Variants in CEP128 observed in about 807,000 individuals in gnomAD.
CEP128 encodes the protein centrosomal protein 128kDa.
A neutral mutation model predicts 156.7 loss-of-function variants in CEP128; 132 were observed. The observed-to-expected ratio is 0.84, with a 90% CI of 0.73 to 0.97. The LOEUF (loss-of-function observed/expected upper bound fraction) is 0.97, where lower values mean the gene tolerates loss of function less well. Ranked by LOEUF, CEP128 falls within the 50% of genes least tolerant of loss-of-function variation. The pLI is 0.00. For synonymous variants in CEP128, 469 were observed against 448.9 expected (o/e 1.04, Z -0.57); for missense variants, 1,252 against 1,281.9 (o/e 0.98, Z 0.36).
chr14:80,756,046 C>G (rs1485539322), intron 18 of CEP128, among the ~76,000 whole-genome samples: 1 of 152,126 alleles, frequency 6.6e-6, no homozygotes, highest in Non-Finnish European at 1.5e-5. Flanking sequence ...AAGATTTTAA[C>G]TTGAAAGAAA....
intron 9 of CEP128, among the ~76,000 whole-genome samples, chr14:80,843,585 CTATAT>C (rs1212150949): frequency 6.6e-6 from 1 of 151,910 alleles, no homozygotes; most frequent in Non-Finnish European, 1.5e-5. Flanking sequence ...GTTGTTCTTA[CTATAT>C]TTTGTAATTA....
intron 19 of CEP128, among the ~76,000 whole-genome samples, chr14:80,663,837 C>T (rs1360909366): frequency 6.6e-6 from 1 of 152,170 alleles, no homozygotes; most frequent in Non-Finnish European, 1.5e-5. Context: ...GTTCTTGTCC[C>T]ACAATACAGC....
intron 19 of CEP128, among the ~76,000 whole-genome samples, chr14:80,652,582 G>T (rs1428266059): frequency 6.6e-6 from 1 of 151,986 alleles, no homozygotes. Context: ...CAACAAACAT[G>T]AAAAAAAGCT....
intron 7 of CEP128, among the ~76,000 whole-genome samples, chr14:80,897,925 G>A (rs892314636): frequency 6.6e-6 from 1 of 152,100 alleles, no homozygotes; most frequent in African/African-American, 2.4e-5. Flanking sequence ...CCACAGGCAT[G>A]TGCCACCACT....
intron 4 of CEP128, among the ~76,000 whole-genome samples, chr14:80,912,136 AAAC>A (rs34258944): frequency 0.049 from 7,408 of 151,832 alleles, 615 homozygotes; most frequent in African/African-American, 0.17. Flanking sequence ...AGAATCGCTT[AAAC>A]CTGGGAGGCG....
chr14:80,929,502 A>G (rs148846601), intron 2 of CEP128, among the ~76,000 whole-genome samples: 184 of 152,358 alleles, frequency 1.2e-3, no homozygotes, highest in African/African-American at 4.2e-3. Context: ...CATAAGGAAA[A>G]TGTGGTATAT....
intron 19 of CEP128, among the ~76,000 whole-genome samples, chr14:80,697,536 T>G (rs993957998): frequency 2.6e-5 from 4 of 152,114 alleles, no homozygotes; most frequent in African/African-American, 9.6e-5. Context: ...CAATTGATTT[T>G]ATTCTTAAAA....
chr14:80,545,090 T>A (rs1021874362), intron 21 of CEP128, among the ~76,000 whole-genome samples: 1 of 152,232 alleles, frequency 6.6e-6, no homozygotes, highest in Admixed American at 6.5e-5. Context: ...ATCCTCTTCA[T>A]CCTCTTAGTC....
Position 80,521,302 on chromosome 14 carries a change from CTT to C in CEP128, c.3072+5565_3072+5566del, listed in dbSNP as rs1351264678. ...TTCTATAGCTAAATTTCTTCACAAT[CTT>C]TCTTTTCTTAATATTCTTATTGAGT... On this transcript the variant is annotated intron_variant, in intron 23 of 24. Coordinates refer to ENST00000555265, the MANE Select transcript of CEP128 (RefSeq NM_152446.5). Among the ~76,000 whole-genome samples, 10 of 152,154 alleles carry C rather than the reference CTT, an allele frequency of 6.6e-5. No individual in the cohort carries two copies. In the East Asian group the frequency reaches 1.9e-3, roughly 29 times the overall value.
intron 19 of CEP128, among the ~76,000 whole-genome samples, chr14:80,699,732 G>T (rs917351901): frequency 1.3e-5 from 2 of 152,140 alleles, no homozygotes; most frequent in Non-Finnish European, 2.9e-5. Context: ...CAACTTCCCA[G>T]ATTGCTATCT....
intron 8 of CEP128, among the ~76,000 whole-genome samples, chr14:80,871,636 G>T (rs939343304): frequency 6.6e-6 from 1 of 151,942 alleles, no homozygotes; most frequent in Non-Finnish European, 1.5e-5. Context: ...TTATTTTAAA[G>T]AAAGTATATT....
At chr14:80,753,831 T>C (rs1899508385) in intron 18 of CEP128, among the ~76,000 whole-genome samples, 1 of 152,204 alleles carries the variant, frequency 6.6e-6, no homozygotes, top group East Asian at 1.9e-4. Flanking sequence ...GGCTAGAAAA[T>C]CCTGGAAATC....
rs1757702898 is a variant in CEP128 at position 80,831,012 on chromosome 14, T to C, written c.1209+131A>G. 2.6e-5 allele frequency: 20 copies of C among 781,072 alleles called. No individual in the cohort carries two copies. In the South Asian group the frequency reaches 2.7e-4, roughly 10 times the overall value. The allele number at this position is 781,072 out of a possible 1,614,324, so 48.4% of individuals were successfully genotyped here. A position where few individuals can be genotyped will look rare whatever the true frequency, so the allele number is the denominator to read the frequency against. ...TACATATAAGTAAATCAGTCATTAATATAACTTTATATTATCAATGCTCAC... is the reference window on the plus strand; with the variant it reads ...TACATATAAGTAAATCAGTCATTAACATAACTTTATATTATCAATGCTCAC... On this transcript the variant is annotated intron_variant, in intron 13 of 24. Transcript: ENST00000555265.
intron 23 of CEP128, chr14:80,514,646 G>A (rs1435539635): frequency 2.6e-6 from 1 of 391,832 alleles, no homozygotes; most frequent in East Asian, 7.9e-5. Context: ...CTTGAATTTT[G>A]TGGTGCTATT....
chr14:80,767,631 C>A (rs936845284), intron 16 of CEP128, among the ~76,000 whole-genome samples: 1 of 152,062 alleles, frequency 6.6e-6, no homozygotes, highest in African/African-American at 2.4e-5. Context: ...TCCTTCCTCA[C>A]CCACATGGTT....
At chr14:80,574,387 C>G (rs552513448) in intron 20 of CEP128, among the ~76,000 whole-genome samples, 1 of 152,194 alleles carries the variant, frequency 6.6e-6, no homozygotes, top group African/African-American at 2.4e-5. Flanking sequence ...TGCTACAGTT[C>G]GGCAGAAAAG....
At position 80,955,851 on chromosome 14, in the gene CEP128, G is replaced by C; in HGVS notation, c.-172+2327C>G. The C allele has an allele frequency of 6.2e-7, 1 of 1,614,182 alleles. No individual in the cohort carries two copies. Among genetic ancestry groups the C allele is most frequent in the Non-Finnish European group, 8.5e-7 (1 of 1,180,028 alleles). Reference sequence around the variant, plus strand: ...GCTTACCGCCCAGTACGCAGACTCTGTGAGTACCCGGGAGAGATCAGGGTA... The same window carrying C: ...GCTTACCGCCCAGTACGCAGACTCTCTGAGTACCCGGGAGAGATCAGGGTA... On this transcript the variant is annotated intron_variant, in intron 2 of 7. Coordinates refer to the CEP128 transcript ENST00000555529.
intron 16 of CEP128, among the ~76,000 whole-genome samples, chr14:80,770,768 A>G (rs1900472615): frequency 6.6e-6 from 1 of 152,186 alleles, no homozygotes; most frequent in Non-Finnish European, 1.5e-5. Flanking sequence ...CACACAACTT[A>G]AAATATCTGT....
chr14:80,573,917 C>G (rs1891250918), intron 20 of CEP128, among the ~76,000 whole-genome samples: 1 of 152,110 alleles, frequency 6.6e-6, no homozygotes, highest in Non-Finnish European at 1.5e-5. Context: ...TATGCCATTG[C>G]TTAGAACAAT....
Sources: allele counts gnomAD v4.1 joint callset (sites outside exome capture counted in the v4.1 genomes callset), GRCh38; gene constraint gnomAD v4.1.1; transcripts MANE v1.5; gene names NCBI Gene and HGNC (gene_info 2026-07-23, HGNC 2026-07-21).